Variants in FKBP4 observed in about 807,000 individuals in gnomAD.
FKBP4 encodes the protein peptidyl-prolyl cis-trans isomerase FKBP4.
FKBP4 carries 28 observed loss-of-function variants against 54.1 expected under a neutral mutation model. That is an observed-to-expected ratio of 0.52 (90% CI 0.38 to 0.71). The LOEUF is 0.71. Ranked by LOEUF, FKBP4 falls within the 30% of genes least tolerant of loss-of-function variation. The probability of loss-of-function intolerance (pLI) is 0.00; values close to 1 mark genes in which losing one functional copy is unlikely to be tolerated. For synonymous variants in FKBP4, 223 were observed against 216.1 expected, an observed-to-expected ratio of 1.03 and a Z score of -0.28; for missense variants, 493 against 574.4, an observed-to-expected ratio of 0.86 and a Z score of 1.45.
At chr12:2,797,420 T>C in intron 2 of FKBP4, 138 bp downstream of exon 2, 1 of 1,079,810 alleles carries the variant, frequency 9.3e-7, no homozygotes, top group Non-Finnish European at 1.3e-6. Flanking sequence ...ACTCTTTTTT[T>C]TTTTTTTCTA....
rs1377416089 is a variant in FKBP4 at position 2,797,818 on chromosome 12, G to A, written c.340G>A (p.Gly114Ser). Residue 114 changes from glycine to serine, a missense_variant, in exon 3 of 10, where the codon GGT becomes AGT. Coordinates refer to ENST00000001008, the MANE Select transcript of FKBP4 (RefSeq NM_002014.4). ...HITCKPEYAY[G>S]SAGSPPKIPP... ...CACCTGCAAACCAGAATATGCCTACGGTTCAGCAGGCAGTCCTCCAAAGAT... is the reference window on the plus strand; with the variant it reads ...CACCTGCAAACCAGAATATGCCTACAGTTCAGCAGGCAGTCCTCCAAAGAT... 5.0e-6 allele frequency: 8 copies of A among 1,613,886 alleles called. No homozygotes were observed. The African/African-American group carries it at 5.3e-5, about 11-fold the overall frequency.
intron 7 of FKBP4, 95 bp from the exon 8 acceptor site, chr12:2,800,297 A>G: frequency 7.0e-7 from 1 of 1,435,876 alleles, no homozygotes; most frequent in East Asian, 2.3e-5. Context: ...GGGAGCAGGA[A>G]CCTCTTGTGG....
intron 7 of FKBP4, 89 bp downstream of exon 7, chr12:2,800,211 C>T: frequency 6.7e-7 from 1 of 1,489,056 alleles, no homozygotes; most frequent in Non-Finnish European, 9.3e-7. Context: ...CATTTTCTGC[C>T]AAGAAGTGGA....
chr12:2,795,106 A>G lies in FKBP4; in HGVS notation c.-34A>G, dbSNP rs988843935. ...CGGCCCAGAGTGCGCTCGCGCCGGC[A>G]CCAGCTCCCGGATAAACGGCGCGCC... On this transcript the variant is annotated 5_prime_UTR_variant, in exon 1 of 10. Coordinates refer to ENST00000001008, the MANE Select transcript of FKBP4 (RefSeq NM_002014.4). This position sits in a 1 kb window ranked among gnomAD's most constrained non-coding sequence, Gnocchi z 4.3. 7.9e-7 allele frequency: 1 copy of G among 1,264,598 alleles called. No individual in the cohort carries two copies. The highest frequency in any genetic ancestry group is 1.0e-6 in the Non-Finnish European group (1 of 989,202). The allele number at this position is 1,264,598 out of a possible 1,614,324, so 78.3% of individuals were successfully genotyped here.
rs369674741 is a variant in FKBP4 at position 2,799,119 on chromosome 12, C to G, written c.546C>G (p.Leu182=). ...TGGAAGGGTACTACAAGGACAAGCT[C>G]TTTGACCAGCGGGAGCTCCGCTTTG... ...VALEGYYKDK[L]FDQRELRFEI... is the part of the protein sequence containing the mutation. Residue 182 remains leucine, a synonymous_variant, in exon 5 of 10, where the codon CTC becomes CTG. Coordinates refer to ENST00000001008, the MANE Select transcript of FKBP4 (RefSeq NM_002014.4). 1.2e-5 allele frequency: 19 copies of G among 1,567,242 alleles called. No individual in the cohort carries two copies. Among genetic ancestry groups the G allele is most frequent in the Non-Finnish European group, 1.6e-5 (19 of 1,160,368 alleles).
chr12:2,800,521 G>T lies in FKBP4; in HGVS notation c.976G>T (p.Ala326Ser), dbSNP rs2097904133. The change falls in exon 8 of 10, where the codon GCC (alanine) becomes TCC (serine). Residue 326 changes from alanine to serine, a missense_variant. Ala to Ser is a moderately conservative substitution (Grantham distance 99). Coordinates refer to ENST00000001008, the MANE Select transcript of FKBP4 (RefSeq NM_002014.4). ...ALRLASHLNL[A>S]MCHLKLQAFS... Reference sequence around the variant, plus strand: ...TCGACTGGCCTCTCACCTCAACCTGGCCATGTGTCATCTGAAACTACAGGC... The same window carrying T: ...TCGACTGGCCTCTCACCTCAACCTGTCCATGTGTCATCTGAAACTACAGGC... 1.2e-6 allele frequency: 2 copies of T among 1,613,936 alleles called. No individual in the cohort carries two copies. Among genetic ancestry groups the T allele is most frequent in the African/African-American group, 1.3e-5 (1 of 74,924 alleles).
Position 2,798,883 on chromosome 12 carries a change from G to A in FKBP4, c.514+57G>A. 6.3e-7 allele frequency: 1 copy of A among 1,585,066 alleles called. No individual in the cohort carries two copies. The highest frequency in any genetic ancestry group is 8.7e-7 in the Non-Finnish European group (1 of 1,155,268). ...CATTCTGATATTTAGGCCTTGTGTG[G>A]CTTTGGGCAAGACACTTCCGTTCTC... is the stretch of plus-strand genomic sequence containing the variant. On this transcript the variant is annotated intron_variant, in intron 4 of 9. Coordinates refer to ENST00000001008, the MANE Select transcript of FKBP4 (RefSeq NM_002014.4). This position sits in a 1 kb window ranked among gnomAD's most constrained non-coding sequence, Gnocchi z 4.3.
chr12:2,800,152 C>G, intron 7 of FKBP4, 30 bp downstream of exon 7: 1 of 1,602,502 alleles, frequency 6.2e-7, no homozygotes, highest in Non-Finnish European at 8.5e-7. Context: ...CCTAAGGACA[C>G]TCCCAGGAAG....
At position 2,798,015 on chromosome 12, in the gene FKBP4, G is replaced by C. The variant is rs970126197; in HGVS notation, c.393+144G>C. 5 of 1,007,284 alleles carry C rather than the reference G, an allele frequency of 5.0e-6. No individual in the cohort carries two copies. Among genetic ancestry groups the C allele is most frequent in the African/African-American group, 3.2e-5 (2 of 61,778 alleles). 62.4% of individuals were successfully genotyped at this position (1,007,284 alleles called of 1,614,324 possible). ...GCCTTATGGGAGGAGAAATGCAGAG[G>C]GCTCTGCTGCTGCTAGTAATGGAAG... On this transcript the variant is annotated intron_variant, in intron 3 of 9. Coordinates refer to ENST00000001008, the MANE Select transcript of FKBP4 (RefSeq NM_002014.4). This position sits in a 1 kb window ranked among gnomAD's most constrained non-coding sequence, Gnocchi z 4.3.
At chr12:2,797,930 C>T in intron 3 of FKBP4, 59 bp downstream of exon 3, 2 of 1,558,034 alleles carry the variant, frequency 1.3e-6, no homozygotes, top group East Asian at 4.6e-5. Flanking sequence ...AGCCCAATGC[C>T]TGGCTGCCCT....
Position 2,799,122 on chromosome 12 carries a change from T to C in FKBP4, c.549T>C (p.Phe183=). Residue 183 remains phenylalanine (F), a synonymous_variant, in exon 5 of 10, where the codon TTT becomes TTC. Coordinates refer to ENST00000001008, the MANE Select transcript of FKBP4 (RefSeq NM_002014.4). The part of the protein sequence containing the change: ...ALEGYYKDKL[F]DQRELRFEIG... ...AAGGGTACTACAAGGACAAGCTCTT[T>C]GACCAGCGGGAGCTCCGCTTTGAGA... 6.4e-7 allele frequency: 1 copy of C among 1,568,644 alleles called. No individual in the cohort carries two copies. Among genetic ancestry groups the C allele is most frequent in the Non-Finnish European group, 8.6e-7 (1 of 1,161,084 alleles).
At position 2,800,497 on chromosome 12, in the gene FKBP4, C is replaced by T. The variant is rs1014212097; in HGVS notation, c.952C>T (p.Arg318Ter). The change falls in exon 8 of 10, where the codon CGA (arginine) becomes TGA (stop). Residue 318 changes from arginine (R) to a stop codon, truncating the protein, a stop_gained. Coordinates refer to ENST00000001008, the MANE Select transcript of FKBP4 (RefSeq NM_002014.4). LOFTEE classifies it high-confidence loss of function. ...GGAAGCACAGAAAGCACAGGCCCTT[C>T]GACTGGCCTCTCACCTCAACCTGGC... is the stretch of plus-strand genomic sequence containing the variant. ...NEEAQKAQAL[R>*]LASHLNLAMC... 9 of 1,614,156 alleles carry T rather than the reference C, an allele frequency of 5.6e-6. No individual in the cohort carries two copies. Among genetic ancestry groups the T allele is most frequent in the Non-Finnish European group, 7.6e-6 (9 of 1,180,030 alleles).
rs2097901076 is a variant in FKBP4 at position 2,795,361 on chromosome 12, G to C, written c.105+117G>C. The C allele has an allele frequency of 3.3e-6, 1 of 307,538 alleles. No homozygotes were observed. Among genetic ancestry groups the C allele is most frequent in the South Asian group, 1.3e-4 (1 of 7,932 alleles). The allele number at this position is 307,538 out of a possible 1,614,324, so 19.1% of individuals were successfully genotyped here. ...TCGAGGCGGCCGCCTTTGCAGCCTC[G>C]CGGCCGTCCCGCCGGGGGCCGGTGG... On this transcript the variant is annotated intron_variant, in intron 1 of 9. Coordinates refer to ENST00000001008, the MANE Select transcript of FKBP4 (RefSeq NM_002014.4). The surrounding 1 kb of genome is among the most constrained non-coding windows in gnomAD (Gnocchi z 4.3).
rs369826677 is a variant in FKBP4 at position 2,800,103 on chromosome 12, G to A, written c.827G>A (p.Arg276Gln). The A allele has an allele frequency of 1.3e-5, 21 of 1,613,282 alleles. No individual in the cohort carries two copies. Among genetic ancestry groups the A allele is most frequent in the Admixed American group, 5.0e-5 (3 of 60,000 alleles). ...GAACAGAGCACCATAGTGAAAGAGC[G>A]GGGCACTGTGTACTTCAAGGTGAGC... ...KLEQSTIVKE[R>Q]GTVYFKEGKY... Residue 276 changes from arginine to glutamine, a missense_variant, in exon 7 of 10, where the codon CGG becomes CAG. Transcript: ENST00000001008.
At chr12:2,802,285 C>A (rs1458256605) in intron 9 of FKBP4, among the ~76,000 whole-genome samples, 3 of 151,876 alleles carry the variant, frequency 2.0e-5, no homozygotes, top group Non-Finnish European at 4.4e-5. Flanking sequence ...TTACAGGCGC[C>A]CGCCACCACA....
In FKBP4 at chr12:2,803,261, C is replaced by A; in HGVS notation, c.*3C>A. On this transcript the variant is annotated 3_prime_UTR_variant, in exon 10 of 10. Transcript: ENST00000001008. ...CTCAGGTGGAGACAGAAGCATAGCC[C>A]CTCTCCACCAGCCCTACTCCTGCGG... The A allele has an allele frequency of 6.4e-7, 1 of 1,564,194 alleles. No individual in the cohort carries two copies.
rs2097902347 is a variant in FKBP4 at position 2,797,220 on chromosome 12, A to G, written c.188A>G (p.Asp63Gly). The G allele has an allele frequency of 1.9e-6, 3 of 1,613,894 alleles. No individual in the cohort carries two copies. Among genetic ancestry groups the G allele is most frequent in the Non-Finnish European group, 2.5e-6 (3 of 1,179,856 alleles). Residue 63 changes from aspartate (D) to glycine (G), a missense_variant, in exon 2 of 10, where the codon GAT (aspartate) becomes GGT (glycine). Asp to Gly is a moderately conservative substitution (Grantham distance 94, BLOSUM62 -1). Transcript: ENST00000001008. Reference protein sequence around the residue: ...VFVHYTGWLLDGTKFDSSLDR... With the variant: ...VFVHYTGWLLGGTKFDSSLDR... ...GTCCACTACACTGGCTGGCTATTAG[A>G]TGGCACAAAGTTTGACTCCAGTCTG...
At chr12:2,796,518 A>T in intron 1 of FKBP4, 5 of 1,200,068 alleles carry the variant, frequency 4.2e-6, no homozygotes, top group Non-Finnish European at 5.3e-6. Flanking sequence ...TTTCTGGGAA[A>T]TACTCCAGCC....
intron 1 of FKBP4, chr12:2,796,912 T>A: frequency 7.4e-7 from 1 of 1,347,700 alleles, no homozygotes; most frequent in Non-Finnish European, 9.5e-7. Context: ...TCTCTCAGCC[T>A]TTTGTCTCCT....
Sources: gnomAD v4.1 joint callset for allele counts (sites outside exome capture counted in the v4.1 genomes callset) on GRCh38, gnomAD v4.1.1 for gene constraint, Gnocchi (gnomAD v3.1) non-coding constraint, MANE v1.5 for transcripts, NCBI Gene and HGNC (gene_info 2026-07-23, HGNC 2026-07-21) for gene names.